PTPRD: variants seen among roughly 807,000 people sequenced by gnomAD.
PTPRD encodes the protein protein tyrosine phosphatase receptor type D.
PTPRD carries 34 observed loss-of-function variants against 214.5 expected under a neutral mutation model. The observed-to-expected ratio is 0.16, with a 90% CI of 0.12 to 0.21. The LOEUF (loss-of-function observed/expected upper bound fraction) is 0.21. PTPRD is among the 10% of genes least tolerant of loss of function. PTPRD has a pLI of 1.00. For synonymous variants in PTPRD, 1,128 were observed against 845.7 expected (o/e 1.33, Z -5.79); for missense variants, 2,545 against 2,398.7 (o/e 1.06, Z -1.27).
intron 30 of PTPRD, among the ~76,000 whole-genome samples, chr9:8,482,020 A>T (rs540120913): frequency 6.6e-6 from 1 of 152,200 alleles, no homozygotes; most frequent in Admixed American, 6.5e-5. Flanking sequence ...TGACCTTGTG[A>T]TCTGCCCGCC....
At chr9:10,039,836 AAAC>A (rs1365605844) in intron 3 of PTPRD, among the ~76,000 whole-genome samples, 3 of 152,124 alleles carry the variant, frequency 2.0e-5, no homozygotes, top group African/African-American at 7.2e-5. Context: ...TTAAAGATGA[AAAC>A]AATCAATAAA....
At chr9:8,791,021 A>G (rs2096209242) in intron 11 of PTPRD, among the ~76,000 whole-genome samples, 1 of 152,130 alleles carries the variant, frequency 6.6e-6, no homozygotes, top group African/African-American at 2.4e-5. Context: ...ATAAAGACTC[A>G]CACCATATTT....
At chr9:9,913,837 C>T (rs1191083270) in intron 5 of PTPRD, among the ~76,000 whole-genome samples, 1 of 152,162 alleles carries the variant, frequency 6.6e-6, no homozygotes, top group Non-Finnish European at 1.5e-5. Flanking sequence ...CCTCCCACCT[C>T]CCATTCCCTG....
At chr9:9,173,923 G>A (rs909386225) in intron 10 of PTPRD, among the ~76,000 whole-genome samples, 1 of 152,006 alleles carries the variant, frequency 6.6e-6, no homozygotes. Context: ...CTACCGGCAT[G>A]CTCTTATGTT....
At chr9:10,466,327 A>T (rs955283553) in intron 2 of PTPRD, among the ~76,000 whole-genome samples, 7 of 152,278 alleles carry the variant, frequency 4.6e-5, no homozygotes, top group African/African-American at 1.7e-4. Flanking sequence ...GATAAATATC[A>T]TAAAAGAAAT....
intron 39 of PTPRD, among the ~76,000 whole-genome samples, chr9:8,359,522 C>T (rs1456746238): frequency 6.6e-6 from 1 of 152,032 alleles, no homozygotes; most frequent in Non-Finnish European, 1.5e-5. Context: ...TTAGTAGAGA[C>T]AGGGTTTCAC....
intron 3 of PTPRD, among the ~76,000 whole-genome samples, chr9:10,217,029 G>T (rs2099544844): frequency 6.6e-6 from 1 of 151,722 alleles, no homozygotes; most frequent in Admixed American, 6.6e-5. Flanking sequence ...CTGCAATTAG[G>T]ACAATAATGA....
At chr9:9,159,427 C>A (rs1346578333) in intron 10 of PTPRD, among the ~76,000 whole-genome samples, 1 of 151,636 alleles carries the variant, frequency 6.6e-6, no homozygotes, top group African/African-American at 2.4e-5. Context: ...AATGAACTAT[C>A]CAAAAAAATT....
intron 5 of PTPRD, among the ~76,000 whole-genome samples, chr9:9,937,880 T>C (rs893493693): frequency 1.3e-5 from 2 of 152,210 alleles, no homozygotes; most frequent in African/African-American, 4.8e-5. Context: ...AAGTTTCATA[T>C]TAATGTTTCT....
chr9:10,261,240 C>A (rs1461234689), intron 3 of PTPRD, among the ~76,000 whole-genome samples: 1 of 151,460 alleles, frequency 6.6e-6, no homozygotes, highest in African/African-American at 2.4e-5. Context: ...AAACTAGACA[C>A]CTGCTATCAA....
At chr9:8,453,699 G>A (rs2096060802) in intron 33 of PTPRD, among the ~76,000 whole-genome samples, 1 of 152,182 alleles carries the variant, frequency 6.6e-6, no homozygotes, top group South Asian at 2.1e-4. Flanking sequence ...ACTTTAGTAT[G>A]CATCAGCATC....
At chr9:8,853,005 A>G (rs1254813620) in intron 11 of PTPRD, among the ~76,000 whole-genome samples, 1 of 152,190 alleles carries the variant, frequency 6.6e-6, no homozygotes, top group Non-Finnish European at 1.5e-5. Context: ...TACGTAAAGT[A>G]CATAATGTCT....
At chr9:9,324,214 A>G (rs1480003911) in intron 9 of PTPRD, among the ~76,000 whole-genome samples, 6 of 152,158 alleles carry the variant, frequency 3.9e-5, no homozygotes, top group Non-Finnish European at 7.4e-5. Flanking sequence ...CAGTAATGGG[A>G]TGGCTGGGTC....
intron 5 of PTPRD, among the ~76,000 whole-genome samples, chr9:9,938,195 GCTTT>G (rs950816674): frequency 6.6e-6 from 1 of 152,078 alleles, no homozygotes; most frequent in African/African-American, 2.4e-5. Flanking sequence ...ACTACAAACA[GCTTT>G]CAGTCTTATG....
chr9:8,481,563 G>C lies in PTPRD; in HGVS notation c.3413+2556C>G, dbSNP rs575249804. Among the ~76,000 whole-genome samples, 7 of 152,112 alleles carry C rather than the reference G, an allele frequency of 4.6e-5. No individual in the cohort carries two copies. The South Asian group carries it at 1.5e-3, about 32-fold the overall frequency. On this transcript the variant is annotated intron_variant, in intron 30 of 45. Transcript: ENST00000381196. ...CACTTTTTGAATTTTTCTCCTTCTA[G>C]AAAATCCCTTTGCCATGCTGCTCTG...
At chr9:8,650,555 C>T (rs542603126) in intron 12 of PTPRD, among the ~76,000 whole-genome samples, 12 of 144,266 alleles carry the variant, frequency 8.3e-5, no homozygotes, top group South Asian at 2.2e-4. Flanking sequence ...AAAGTGGATA[C>T]GTGATGGATA....
At chr9:9,931,475 T>A (rs569628043) in intron 5 of PTPRD, among the ~76,000 whole-genome samples, 90 of 152,298 alleles carry the variant, frequency 5.9e-4, no homozygotes, top group South Asian at 1.4e-3. Flanking sequence ...AGATGGCACC[T>A]GGAAAATCGG....
At chr9:8,717,251 G>T (rs1025191238) in intron 12 of PTPRD, among the ~76,000 whole-genome samples, 2 of 152,194 alleles carry the variant, frequency 1.3e-5, no homozygotes, top group Non-Finnish European at 2.9e-5. Context: ...CATTAGGTGT[G>T]TTGGGGGGAG....
At chr9:10,030,513 G>A (rs1393336529) in intron 4 of PTPRD, among the ~76,000 whole-genome samples, 1 of 152,110 alleles carries the variant, frequency 6.6e-6, no homozygotes, top group Non-Finnish European at 1.5e-5. Flanking sequence ...GAGTAGATGA[G>A]TTCTATCATG....
Sources: allele counts gnomAD v4.1 joint callset (sites outside exome capture counted in the v4.1 genomes callset), GRCh38; gene constraint gnomAD v4.1.1; transcripts MANE v1.5; gene names NCBI Gene and HGNC (gene_info 2026-07-23, HGNC 2026-07-21).